The following AMOTL1 variants were observed in gnomAD, a reference collection of about 807,000 sequenced individuals.
The protein encoded by AMOTL1 is angiomotin-like protein 1.
A neutral mutation model predicts 102.9 loss-of-function variants in AMOTL1; 45 were observed. The observed-to-expected ratio is 0.44, with a 90% CI of 0.34 to 0.56. AMOTL1 has a LOEUF of 0.56. Ranked by LOEUF, AMOTL1 falls within the 20% of genes least tolerant of loss-of-function variation. The probability of loss-of-function intolerance (pLI) is 0.01; values close to 1 mark genes in which losing one functional copy is unlikely to be tolerated. For synonymous variants in AMOTL1, 481 were observed against 484.7 expected (o/e 0.99, Z 0.10); for missense variants, 1,114 against 1,225.6 (o/e 0.91, Z 1.36).
intron 1 of AMOTL1, among the ~76,000 whole-genome samples, chr11:94,779,608 C>T (rs1951077714): frequency 1.3e-5 from 2 of 151,748 alleles, no homozygotes; most frequent in Admixed American, 1.3e-4. Context: ...TTTTTTTTCC[C>T]CTTTAAGACA....
intron 2 of AMOTL1, among the ~76,000 whole-genome samples, chr11:94,798,359 A>G (rs1231800226): frequency 6.6e-6 from 1 of 152,176 alleles, no homozygotes; most frequent in African/African-American, 2.4e-5. Context: ...AATAAGAAAG[A>G]GGGTTGGCAG....
intron 1 of AMOTL1, among the ~76,000 whole-genome samples, chr11:94,785,545 G>T (rs1481186433): frequency 6.6e-6 from 1 of 152,156 alleles, no homozygotes; most frequent in South Asian, 2.1e-4. Flanking sequence ...TGGAGATATT[G>T]GTTGTTTAAA....
chr11:94,779,909 G>A (rs907707628), intron 1 of AMOTL1, among the ~76,000 whole-genome samples: 14 of 152,094 alleles, frequency 9.2e-5, no homozygotes, highest in Non-Finnish European at 1.3e-4. Context: ...AAGACTCACC[G>A]TTTTGAGGAT....
At chr11:94,727,393 A>T (rs1284342139) in intron 1 of AMOTL1, among the ~76,000 whole-genome samples, 1 of 152,160 alleles carries the variant, frequency 6.6e-6, no homozygotes, top group African/African-American at 2.4e-5. Flanking sequence ...TCTACTCCAG[A>T]CATGTTTTTA....
chr11:94,734,204 C>T (rs373756859), intron 2 of AMOTL1, among the ~76,000 whole-genome samples: 2 of 152,158 alleles, frequency 1.3e-5, no homozygotes, highest in African/African-American at 4.8e-5. Context: ...ATCCATACAA[C>T]ATCTGTATTG....
rs1259929161 is a variant in AMOTL1, at chr11:94,870,873, G to A, written c.*78G>A. ...CAGAGAAAGAAGAAAGACCTAGAAG[G>A]TTGTAGATGGGAAATCAGGAATGAT... is the stretch of plus-strand genomic sequence containing the variant. On this transcript the variant is annotated 3_prime_UTR_variant, in exon 13 of 13. Coordinates refer to ENST00000433060, the MANE Select transcript of AMOTL1 (RefSeq NM_130847.3). The A allele has an allele frequency of 1.7e-6, 2 of 1,168,186 alleles. No homozygotes were observed. The highest frequency in any genetic ancestry group is 2.4e-6 in the Non-Finnish European group (2 of 835,494). The allele number at this position is 1,168,186 out of a possible 1,614,324, so 72.4% of individuals were successfully genotyped here. A position where few individuals can be genotyped will look rare whatever the true frequency, so the allele number is the denominator to read the frequency against.
chr11:94,860,175 A>G (rs1041573151), intron 9 of AMOTL1, among the ~76,000 whole-genome samples: 6 of 152,208 alleles, frequency 3.9e-5, no homozygotes, highest in Admixed American at 2.6e-4. Flanking sequence ...GGGCCAAACT[A>G]GAAGAATAGA....
chr11:94,749,436 A>G (rs1470351898), intron 3 of AMOTL1, among the ~76,000 whole-genome samples: 1 of 152,198 alleles, frequency 6.6e-6, no homozygotes, highest in Non-Finnish European at 1.5e-5. Flanking sequence ...ACCTACTCAA[A>G]TGCCAGCCTC....
chr11:94,707,758 A>G (rs894561350), intron 1 of AMOTL1, among the ~76,000 whole-genome samples: 9 of 151,948 alleles, frequency 5.9e-5, no homozygotes, highest in Non-Finnish European at 1.0e-4. Context: ...AGATTTCTGG[A>G]TTTCACCCTA....
At position 94,759,171 on chromosome 11, in the gene AMOTL1, TA is replaced by T. The variant is rs199971310; in HGVS notation, c.136+18185del. On this transcript the variant is annotated intron_variant, in intron 3 of 4. Transcript: ENST00000299004. ...TGTCACTGGATTCACCTAGCATTCA[TA>T]ATTTTTTTTTCATACAATGAATTAA... 2.3e-3 allele frequency among the ~76,000 whole-genome samples: 351 copies of T among 152,344 alleles called. 2 individuals carry two copies. The highest frequency in any genetic ancestry group is 8.0e-3 in the African/African-American group (334 of 41,570).
chr11:94,827,378 G>T (rs140651010), intron 4 of AMOTL1, among the ~76,000 whole-genome samples: 19 of 152,272 alleles, frequency 1.2e-4, no homozygotes, highest in African/African-American at 4.3e-4. Flanking sequence ...GTGACTTGAT[G>T]ATGCCCTTTG....
At chr11:94,862,358 T>C (rs1319700638) in intron 9 of AMOTL1, among the ~76,000 whole-genome samples, 3 of 152,240 alleles carry the variant, frequency 2.0e-5, no homozygotes, top group African/African-American at 4.8e-5. Flanking sequence ...TGAGCTCTTA[T>C]TGACTAGGTG....
chr11:94,859,066 A>G (rs1952722372), intron 8 of AMOTL1, among the ~76,000 whole-genome samples: 1 of 151,960 alleles, frequency 6.6e-6, no homozygotes, highest in South Asian at 2.1e-4. Flanking sequence ...TTTGCCTTCC[A>G]TTTCCCCCAC....
In AMOTL1 at chr11:94,840,564, G is replaced by A. The variant is rs538380377; in HGVS notation, c.1648+9023G>A. Among the ~76,000 whole-genome samples the A allele has an allele frequency of 2.5e-3, 374 of 150,894 alleles. 2 individuals carry two copies. The highest frequency in any genetic ancestry group is 7.8e-3 in the African/African-American group (320 of 41,016). ...CCTAGCATAAACAACTTTTTCCGCC[G>A]GATGTAATGATTTCCCCAGCATAAC... On this transcript the variant is annotated intron_variant, in intron 6 of 12. Coordinates refer to ENST00000433060, the MANE Select transcript of AMOTL1 (RefSeq NM_130847.3).
chr11:94,799,243 T>C lies in AMOTL1; in HGVS notation c.200-147T>C. 1.4e-6 allele frequency: 1 copy of C among 702,268 alleles called. No individual in the cohort carries two copies. Among genetic ancestry groups the C allele is most frequent in the Non-Finnish European group, 2.3e-6 (1 of 432,376 alleles). The allele number at this position is 702,268 out of a possible 1,614,324, so 43.5% of individuals were successfully genotyped here. On this transcript the variant is annotated intron_variant, in intron 2 of 12. Coordinates refer to ENST00000433060, the MANE Select transcript of AMOTL1 (RefSeq NM_130847.3). The surrounding 1 kb of genome is among the most constrained non-coding windows in gnomAD (Gnocchi z 4.5). ...TTGGAGAAGAAAATTCCATGAGACA[T>C]TGCCAGGTAAATGGAGGTGATGATG...
At chr11:94,711,580 T>C (rs1265621078) in intron 1 of AMOTL1, among the ~76,000 whole-genome samples, 2 of 152,146 alleles carry the variant, frequency 1.3e-5, no homozygotes, top group African/African-American at 4.8e-5. Context: ...AAGGCTTCTT[T>C]ATACTTCCCT....
At chr11:94,787,847 A>G (rs1422679337) in intron 1 of AMOTL1, among the ~76,000 whole-genome samples, 1 of 152,186 alleles carries the variant, frequency 6.6e-6, no homozygotes, top group Non-Finnish European at 1.5e-5. Context: ...TAAGCAAAAG[A>G]GAAATTTATT....
In AMOTL1 at chr11:94,834,932, C is replaced by G. The variant is rs547841123; in HGVS notation, c.1648+3391C>G. 3.4e-4 allele frequency among the ~76,000 whole-genome samples: 51 copies of G among 152,222 alleles called. No individual in the cohort carries two copies. In the South Asian group the frequency reaches 0.01, roughly 31 times the overall value. On this transcript the variant is annotated intron_variant, in intron 6 of 12. Coordinates refer to ENST00000433060, the MANE Select transcript of AMOTL1 (RefSeq NM_130847.3). ...CTCTTAAGTTAGAGTTTTATGAAGG[C>G]CTTGGTGGACTGCCTGGGTAATTAC...
intron 8 of AMOTL1, among the ~76,000 whole-genome samples, chr11:94,855,745 A>G (rs552202420): frequency 2.6e-5 from 4 of 152,320 alleles, no homozygotes; most frequent in African/African-American, 9.6e-5. Context: ...AAAATATCTT[A>G]ATTGCCACAG....
Sources: allele counts gnomAD v4.1 joint callset (sites outside exome capture counted in the v4.1 genomes callset), GRCh38; gene constraint gnomAD v4.1.1; non-coding constraint Gnocchi (gnomAD v3.1); transcripts MANE v1.5; gene names NCBI Gene and HGNC (gene_info 2026-07-23, HGNC 2026-07-21).